The following PLCL2 variants were observed in gnomAD, a reference collection of about 807,000 sequenced individuals.
The protein encoded by PLCL2 is phospholipase C like 2.
Under a neutral mutation model 79.6 loss-of-function variants are expected in PLCL2, and 4 were observed. The observed-to-expected ratio is 0.05, with a 90% CI of 0.02 to 0.11. The LOEUF is 0.11. PLCL2 is among the 10% of genes least tolerant of loss of function. The pLI is 1.00. For synonymous variants in PLCL2, 484 were observed against 457.7 expected (o/e 1.06, Z -0.73); for missense variants, 895 against 1,291.0 (o/e 0.69, Z 4.70).
chr3:17,082,421 C>T (rs1292847861), intron 5 of PLCL2, among the ~76,000 whole-genome samples: 8 of 151,986 alleles, frequency 5.3e-5, no homozygotes, highest in African/African-American at 9.7e-5. Context: ...CATGAGCCAC[C>T]GCGCCTGGCC....
At chr3:16,976,945 A>G (rs1450464936) in intron 1 of PLCL2, among the ~76,000 whole-genome samples, 1 of 152,178 alleles carries the variant, frequency 6.6e-6, no homozygotes, top group Non-Finnish European at 1.5e-5. Context: ...ATCTAAATAC[A>G]TGAAAACACC....
chr3:17,066,363 A>C (rs1049239436), intron 4 of PLCL2, among the ~76,000 whole-genome samples: 6 of 152,362 alleles, frequency 3.9e-5, no homozygotes, highest in African/African-American at 1.4e-4. Flanking sequence ...AAAGAAACAC[A>C]GAAGTAAAAA....
intron 4 of PLCL2, among the ~76,000 whole-genome samples, chr3:17,064,565 A>G (rs2064989441): frequency 6.6e-6 from 1 of 152,142 alleles, no homozygotes. Flanking sequence ...TGGCGCTCGC[A>G]TGTCACAGGG....
At chr3:17,075,545 T>TAAAAAAA (rs61190858) in intron 5 of PLCL2, among the ~76,000 whole-genome samples, 128 of 129,728 alleles carry the variant, frequency 9.9e-4, no homozygotes, top group Middle Eastern at 4.0e-3. Flanking sequence ...CTTCAATGTG[T>TAAAAAAA]AAAAAAAAAA....
intron 4 of PLCL2, chr3:17,043,992 A>T (rs2064755722): frequency 6.6e-6 from 1 of 152,222 alleles, no homozygotes; most frequent in Non-Finnish European, 1.5e-5. Flanking sequence ...TTATTAACAC[A>T]ATCTGCAAAT....
intron 1 of PLCL2, among the ~76,000 whole-genome samples, chr3:17,002,497 T>C (rs2064221215): frequency 6.6e-6 from 1 of 152,170 alleles, no homozygotes; most frequent in Non-Finnish European, 1.5e-5. Context: ...AGAATTCTTA[T>C]TGATCTTTTT....
At chr3:16,912,404 A>G (rs533867815) in intron 1 of PLCL2, among the ~76,000 whole-genome samples, 4 of 152,232 alleles carry the variant, frequency 2.6e-5, no homozygotes, top group Non-Finnish European at 5.9e-5. Flanking sequence ...GAAAGAATGT[A>G]TATAGTTGGA....
chr3:17,025,444 T>C (rs543999474), intron 3 of PLCL2, among the ~76,000 whole-genome samples: 2 of 152,334 alleles, frequency 1.3e-5, no homozygotes, highest in South Asian at 4.1e-4. Flanking sequence ...GTAAGTGCCA[T>C]GATGAGCTGC....
chr3:16,941,187 C>G (rs1329602468), intron 1 of PLCL2, among the ~76,000 whole-genome samples: 1 of 152,216 alleles, frequency 6.6e-6, no homozygotes, highest in Non-Finnish European at 1.5e-5. Flanking sequence ...ATGCTCATGA[C>G]TGTCACATTT....
intron 1 of PLCL2, among the ~76,000 whole-genome samples, chr3:16,903,859 ATATTCT>A (rs754696450): frequency 1.1e-4 from 16 of 152,322 alleles, no homozygotes; most frequent in Non-Finnish European, 2.4e-4. Context: ...ATTTCTTCTA[ATATTCT>A]TAAGCAGGTT....
chr3:17,071,353 G>A (rs1019664222), intron 5 of PLCL2, among the ~76,000 whole-genome samples: 5 of 151,926 alleles, frequency 3.3e-5, no homozygotes, highest in Non-Finnish European at 7.4e-5. Flanking sequence ...TTAAAATTCA[G>A]AAATGAACAA....
At chr3:17,075,076 A>T (rs533669326) in intron 5 of PLCL2, among the ~76,000 whole-genome samples, 1 of 152,216 alleles carries the variant, frequency 6.6e-6, no homozygotes. Flanking sequence ...CTTTTGGCTC[A>T]TGTTGGCTTT....
intron 1 of PLCL2, among the ~76,000 whole-genome samples, chr3:16,983,040 A>T (rs1370270898): frequency 6.6e-6 from 1 of 152,110 alleles, no homozygotes. Context: ...AAGTTTTTAT[A>T]TTAATTTAAA....
intron 1 of PLCL2, among the ~76,000 whole-genome samples, chr3:16,971,959 G>A (rs538825571): frequency 2.0e-5 from 3 of 151,968 alleles, no homozygotes; most frequent in Non-Finnish European, 2.9e-5. Flanking sequence ...TGCAGAAAAG[G>A]CCTTTGACAA....
At chr3:16,910,158 T>A (rs2881771) in intron 1 of PLCL2, among the ~76,000 whole-genome samples, 99,983 of 152,062 alleles carry the variant, frequency 0.66, 33,042 homozygotes, top group Middle Eastern at 0.75. Flanking sequence ...TATTTTCTTG[T>A]TGCAACTTCT....
intron 4 of PLCL2, among the ~76,000 whole-genome samples, chr3:17,059,081 T>C (rs1168065836): frequency 6.6e-6 from 1 of 152,156 alleles, no homozygotes; most frequent in African/African-American, 2.4e-5. Flanking sequence ...ATAAATATGA[T>C]CAAATACTTA....
intron 1 of PLCL2, among the ~76,000 whole-genome samples, chr3:16,891,489 G>C (rs1696348711): frequency 6.6e-6 from 1 of 152,116 alleles, no homozygotes; most frequent in Non-Finnish European, 1.5e-5. Context: ...AAATTTCTCA[G>C]GCATGTTCCA....
At chr3:17,043,407 C>T (rs987523253) in intron 4 of PLCL2, among the ~76,000 whole-genome samples, 3 of 152,126 alleles carry the variant, frequency 2.0e-5, no homozygotes, top group Non-Finnish European at 4.4e-5. Flanking sequence ...CTGGCATTTT[C>T]GCGTGCTGAT....
At chr3:17,035,695 A>T in intron 3 of PLCL2, 1 of 456,262 alleles carries the variant, frequency 2.2e-6, no homozygotes, top group Non-Finnish European at 4.3e-6. Flanking sequence ...TTAAATTCAA[A>T]CTCTGCAGTG....
Sources: allele counts gnomAD v4.1 joint callset (sites outside exome capture counted in the v4.1 genomes callset), GRCh38; gene constraint gnomAD v4.1.1; transcripts MANE v1.5; gene names NCBI Gene and HGNC (gene_info 2026-07-23, HGNC 2026-07-21).